ABHD5: variants seen among roughly 807,000 people sequenced by gnomAD.
ABHD5 encodes 1-acylglycerol-3-phosphate O-acyltransferase ABHD5.
Under a neutral mutation model 44.9 loss-of-function variants are expected in ABHD5, and 30 were observed. That is an observed-to-expected ratio of 0.67 (90% confidence interval 0.50 to 0.91). The LOEUF (loss-of-function observed/expected upper bound fraction) is 0.91, where lower values mean the gene tolerates loss of function less well. ABHD5 is among the 40% of genes least tolerant of loss of function. ABHD5 has a pLI of 0.00. For synonymous variants in ABHD5, 167 were observed against 147.0 expected, an observed-to-expected ratio of 1.14 and a Z score of -0.99; for missense variants, 399 against 423.4, an observed-to-expected ratio of 0.94 and a Z score of 0.50.
chr3:43,715,123 G>GTT, intron 5 of ABHD5, 65 bp downstream of exon 5: 1 of 806,292 alleles, frequency 1.2e-6, no homozygotes. Flanking sequence ...GTGTGTGTTT[G>GTT]TGTGTGTTTT....
At chr3:43,698,725 G>T (rs961092446) in intron 1 of ABHD5, among the ~76,000 whole-genome samples, 1 of 152,188 alleles carries the variant, frequency 6.6e-6, no homozygotes, top group African/African-American at 2.4e-5. Flanking sequence ...TTCACCCTAA[G>T]GAGATTGTAC....
intron 7 of ABHD5, among the ~76,000 whole-genome samples, chr3:43,729,185 G>A (rs1011380988): frequency 6.6e-5 from 10 of 152,166 alleles, no homozygotes; most frequent in Admixed American, 1.3e-4. Context: ...CAACAGTAAC[G>A]ACTTTGTGGT....
intron 2 of ABHD5, 100 bp downstream of exon 2, chr3:43,699,461 A>G (rs2084513149): frequency 1.8e-6 from 2 of 1,133,232 alleles, no homozygotes; most frequent in Non-Finnish European, 2.6e-6. Flanking sequence ...TGGTGTGTTC[A>G]TTGTTGGCAA....
chr3:43,728,345 G>A (rs747065262), intron 7 of ABHD5, among the ~76,000 whole-genome samples: 8 of 152,276 alleles, frequency 5.3e-5, no homozygotes, highest in South Asian at 2.1e-4. Flanking sequence ...CACTTAAAAC[G>A]CCAGGGCACC....
chr3:43,729,968 A>G (rs979767981), intron 7 of ABHD5, among the ~76,000 whole-genome samples: 14 of 152,222 alleles, frequency 9.2e-5, no homozygotes, highest in African/African-American at 3.1e-4. Flanking sequence ...GAGAGATTGC[A>G]TCTGGCCTGG....
intron 4 of ABHD5, among the ~76,000 whole-genome samples, chr3:43,713,500 G>A (rs1329526132): frequency 6.6e-6 from 1 of 152,040 alleles, no homozygotes; most frequent in Admixed American, 6.6e-5. Flanking sequence ...AGTGCCTTCT[G>A]TTTGGATTGG....
chr3:43,724,097 A>G (rs2084862350), downstream of ABHD5, among the ~76,000 whole-genome samples: 1 of 152,158 alleles, frequency 6.6e-6, no homozygotes, highest in Admixed American at 6.6e-5. Context: ...GGGCTTATGT[A>G]CGGTCTATGC....
chr3:43,705,768 G>A (rs1052599145), intron 3 of ABHD5, among the ~76,000 whole-genome samples: 1 of 152,146 alleles, frequency 6.6e-6, no homozygotes, highest in Non-Finnish European at 1.5e-5. Flanking sequence ...GGAAAAATGA[G>A]TATCTCTTGT....
intron 1 of ABHD5, among the ~76,000 whole-genome samples, chr3:43,691,974 A>G (rs998569840): frequency 1.2e-4 from 19 of 152,220 alleles, no homozygotes; most frequent in Non-Finnish European, 4.4e-5. Context: ...TTCTACACCT[A>G]AATGACTTCT....
chr3:43,717,927 G>A (rs2084788009), intron 6 of ABHD5, 70 bp downstream of exon 6: 4 of 1,595,124 alleles, frequency 2.5e-6, no homozygotes, highest in Admixed American at 1.7e-5. Context: ...CTTAAAAGAG[G>A]TTTTAGGTCA....
rs1476904704 is a variant in ABHD5, at chr3:43,720,004, A to AT, written c.*1475dup. 6.6e-6 allele frequency: 1 copy of AT among 152,186 alleles called. No individual in the cohort carries two copies. The highest frequency in any genetic ancestry group is 2.4e-5 in the African/African-American group (1 of 41,452). 9.4% of individuals were successfully genotyped at this position (152,186 alleles called of 1,614,324 possible). ...AAAGACTGAATGTTCTATTTTCAAC[A>AT]TTTCTCCCCTATAAAAGAATAGACA... On this transcript the variant is annotated 3_prime_UTR_variant, in exon 7 of 7. Transcript: ENST00000644371.
rs777609553 is a variant in ABHD5, at chr3:43,702,523, A to T, written c.442A>T (p.Ile148Phe). The T allele has an allele frequency of 6.2e-7, 1 of 1,614,222 alleles. No homozygotes were observed. Among genetic ancestry groups the T allele is most frequent in the Admixed American group, 1.7e-5 (1 of 60,034 alleles). ...ATGTGCCCTAGGATTGGACAAAATG[A>T]TCTTGCTTGGGCACAACCTAGGTGG... ...WRCALGLDKM[I>F]LLGHNLGGFL... The change falls in exon 3 of 7, where the codon ATC (isoleucine) becomes TTC (phenylalanine). Residue 148 changes from isoleucine (I) to phenylalanine (F), a missense_variant. Coordinates refer to ENST00000644371, the MANE Select transcript of ABHD5 (RefSeq NM_016006.6).
intron 4 of ABHD5, among the ~76,000 whole-genome samples, chr3:43,714,171 G>A (rs1575605649): frequency 7.5e-6 from 1 of 133,482 alleles, no homozygotes; most frequent in East Asian, 2.1e-4. Flanking sequence ...GTCTCGCTCT[G>A]TCGCCCAGGT....
At chr3:43,706,225 A>G (rs764523046) in intron 3 of ABHD5, among the ~76,000 whole-genome samples, 27 of 152,236 alleles carry the variant, frequency 1.8e-4, no homozygotes, top group Non-Finnish European at 8.8e-5. Flanking sequence ...ATCAACAAAC[A>G]GGTACTGAAC....
intron 1 of ABHD5, 83 bp downstream of exon 1, chr3:43,691,122 C>A: frequency 7.6e-7 from 1 of 1,314,522 alleles, no homozygotes; most frequent in Non-Finnish European, 9.8e-7. Flanking sequence ...CGGGCAGCAC[C>A]AAGGAGTCGC....
chr3:43,722,102 G>T lies in ABHD5; in HGVS notation c.*3570G>T, dbSNP rs2149609368. Reference sequence around the variant, plus strand: ...CTAAGAATCCATATGAGATGCACTTGCAAGAATATGAAATAGTATATGCAC... The same window carrying T: ...CTAAGAATCCATATGAGATGCACTTTCAAGAATATGAAATAGTATATGCAC... On this transcript the variant is annotated 3_prime_UTR_variant, in exon 7 of 7. Coordinates refer to ENST00000644371, the MANE Select transcript of ABHD5 (RefSeq NM_016006.6). 1 of 152,286 alleles carries T rather than the reference G, an allele frequency of 6.6e-6. No homozygotes were observed. Among genetic ancestry groups the T allele is most frequent in the South Asian group, 2.1e-4 (1 of 4,816 alleles). 9.4% of individuals were successfully genotyped at this position (152,286 alleles called of 1,614,324 possible).
chr3:43,714,367 T>C (rs369201563), intron 4 of ABHD5, among the ~76,000 whole-genome samples: 7 of 152,036 alleles, frequency 4.6e-5, no homozygotes, highest in African/African-American at 1.5e-4. Context: ...ACTCCTGACC[T>C]TGTGATCCGC....
intron 5 of ABHD5, among the ~76,000 whole-genome samples, chr3:43,716,460 CTCTCTT>C (rs1224274692): frequency 6.6e-6 from 1 of 152,142 alleles, no homozygotes; most frequent in African/African-American, 2.4e-5. Context: ...GACAGCCTCC[CTCTCTT>C]TTATTTCCTC....
At chr3:43,691,903 G>T (rs1007431966) in intron 1 of ABHD5, among the ~76,000 whole-genome samples, 1 of 152,234 alleles carries the variant, frequency 6.6e-6, no homozygotes, top group African/African-American at 2.4e-5. Context: ...AACTGTGGAA[G>T]TTGGAGGGCA....
Sources: allele counts gnomAD v4.1 joint callset (sites outside exome capture counted in the v4.1 genomes callset), GRCh38; gene constraint gnomAD v4.1.1; transcripts MANE v1.5; gene names NCBI Gene and HGNC (gene_info 2026-07-23, HGNC 2026-07-21).